The following CLIP1 variants were observed in gnomAD, a reference collection of about 807,000 sequenced individuals.
CLIP1 encodes the protein CAP-Gly domain containing linker protein 1.
A neutral mutation model predicts 161.6 loss-of-function variants in CLIP1; 66 were observed. The observed-to-expected ratio is 0.41, with a 90% CI of 0.33 to 0.50. The LOEUF (loss-of-function observed/expected upper bound fraction) is 0.50. CLIP1 is among the 20% of genes least tolerant of loss of function. The pLI, the probability that CLIP1 is intolerant of heterozygous loss-of-function variation, is 0.27. For synonymous variants in CLIP1, 598 were observed against 626.2 expected, an observed-to-expected ratio of 0.96 and a Z score of 0.67; for missense variants, 1,376 against 1,702.0, an observed-to-expected ratio of 0.81 and a Z score of 3.37.
intron 12 of CLIP1, among the ~76,000 whole-genome samples, chr12:122,336,297 T>C (rs1952213390): frequency 6.6e-6 from 1 of 152,026 alleles, no homozygotes; most frequent in South Asian, 2.1e-4. Context: ...AGGGGCCTCA[T>C]TCAATATGAA....
At chr12:122,345,789 CTTTT>C (rs538550811) in intron 10 of CLIP1, among the ~76,000 whole-genome samples, 1 of 143,012 alleles carries the variant, frequency 7.0e-6, no homozygotes, top group Non-Finnish European at 1.5e-5. Flanking sequence ...ATTTCTTTTT[CTTTT>C]TTTTTTTTTG....
chr12:122,374,332 A>T (rs2136742041), intron 3 of CLIP1, among the ~76,000 whole-genome samples: 1 of 150,008 alleles, frequency 6.7e-6, no homozygotes, highest in Admixed American at 6.6e-5. Context: ...AAAAAAAAAA[A>T]AATAGCGGCC....
At chr12:122,392,586 G>A (rs1386726315) in intron 1 of CLIP1, among the ~76,000 whole-genome samples, 1 of 152,058 alleles carries the variant, frequency 6.6e-6, no homozygotes, top group Non-Finnish European at 1.5e-5. Flanking sequence ...GGCAGTCACT[G>A]TTCCAGGAGC....
intron 1 of CLIP1, among the ~76,000 whole-genome samples, chr12:122,416,756 C>T (rs1031054487): frequency 3.3e-5 from 5 of 151,914 alleles, no homozygotes; most frequent in South Asian, 2.1e-4. Flanking sequence ...TAAAACTAGC[C>T]GGGTGTGGTG....
intron 19 of CLIP1, among the ~76,000 whole-genome samples, chr12:122,310,942 G>T (rs1016900192): frequency 6.6e-6 from 1 of 152,076 alleles, no homozygotes; most frequent in African/African-American, 2.4e-5. Flanking sequence ...ATGACCTCAG[G>T]AAGACTTAGG....
At chr12:122,394,265 G>A (rs1005380619) in intron 1 of CLIP1, among the ~76,000 whole-genome samples, 26 of 152,058 alleles carry the variant, frequency 1.7e-4, no homozygotes, top group Admixed American at 1.3e-3. Flanking sequence ...TGAGGCGGGC[G>A]GATCACTTGA....
chr12:122,337,703 G>A (rs915057557), intron 11 of CLIP1, among the ~76,000 whole-genome samples: 1 of 152,020 alleles, frequency 6.6e-6, no homozygotes, highest in Non-Finnish European at 1.5e-5. Flanking sequence ...AGCTACTTGA[G>A]CAATTTCATT....
chr12:122,321,410 G>A (rs914361803), intron 17 of CLIP1, among the ~76,000 whole-genome samples: 3 of 151,288 alleles, frequency 2.0e-5, no homozygotes, highest in Non-Finnish European at 3.0e-5. Flanking sequence ...CACGCCTGGC[G>A]AATTTTTGTA....
chr12:122,363,225 C>T (rs975575004), intron 4 of CLIP1, among the ~76,000 whole-genome samples: 1 of 152,122 alleles, frequency 6.6e-6, no homozygotes, highest in Non-Finnish European at 1.5e-5. Flanking sequence ...CCAGGCTGGA[C>T]GCGGTGGCTC....
chr12:122,319,063 A>C (rs1000738921), intron 18 of CLIP1, among the ~76,000 whole-genome samples, 169 bp downstream of exon 18: 1 of 152,254 alleles, frequency 6.6e-6, no homozygotes, highest in Non-Finnish European at 1.5e-5. Flanking sequence ...GATCCTAATA[A>C]GTAATGAAGT....
chr12:122,353,554 C>A (rs1953157156), intron 7 of CLIP1, among the ~76,000 whole-genome samples: 1 of 152,156 alleles, frequency 6.6e-6, no homozygotes, highest in South Asian at 2.1e-4. Context: ...GTCACAGCTG[C>A]AGTGAGCCAT....
chr12:122,341,757 C>CTTTTTTTTTTTTTTT (rs1952510340), intron 10 of CLIP1, 60 bp from the exon 11 acceptor site: 1 of 89,000 alleles, frequency 1.1e-5, no homozygotes, highest in Non-Finnish European at 2.4e-5. Flanking sequence ...TGACTATTTT[C>CTTTTTTTTTTTTTTT]TTTTCTTTTT....
chr12:122,375,088 A>C (rs1158701586), intron 3 of CLIP1, among the ~76,000 whole-genome samples: 1 of 152,134 alleles, frequency 6.6e-6, no homozygotes, highest in Non-Finnish European at 1.5e-5. Context: ...AAAGTTGTTA[A>C]ATATCTCACT....
Position 122,328,001 on chromosome 12 carries a change from G to A in CLIP1, c.3195C>T (p.Asn1065=). Residue 1065 remains asparagine, a synonymous_variant, in exon 17 of 26, where the codon AAC becomes AAT. Transcript: ENST00000620786. ...EDKLKGAREE[N]SGLLQELEEL... is the part of the protein sequence containing the mutation. ...CCTCCAGCTCCTGCAGCAAGCCACT[G>A]TTCTCCTCCCGTGCGCCCTTCAGCT... 1 of 1,614,160 alleles carries A rather than the reference G, an allele frequency of 6.2e-7. No individual in the cohort carries two copies.
chr12:122,354,836 G>T, intron 6 of CLIP1: 1 of 577,944 alleles, frequency 1.7e-6, no homozygotes, highest in Non-Finnish European at 3.1e-6. Context: ...TCAATCATTG[G>T]TAAGGCCCTA....
At chr12:122,370,776 C>T (rs1020338685) in intron 3 of CLIP1, among the ~76,000 whole-genome samples, 1 of 151,952 alleles carries the variant, frequency 6.6e-6, no homozygotes, top group African/African-American at 2.4e-5. Context: ...GGCATCTGAG[C>T]TTCCACAGGA....
At position 122,377,566 on chromosome 12, in the gene CLIP1, G is replaced by T. The variant is rs1205845496; in HGVS notation, c.480C>A (p.Ser160=). The change falls in exon 3 of 26, where the codon TCC becomes TCA. Residue 160 remains serine, a synonymous_variant. Coordinates refer to ENST00000620786, the MANE Select transcript of CLIP1 (RefSeq NM_001247997.2). ...GAGGGATGTTTGAAGGGGTGGAGGG[G>T]GAGGAAGACACCATGCTGGCCGTAG... ...CTSTASMVSS[S]PSTPSNIPQK... 6.2e-7 allele frequency: 1 copy of T among 1,613,844 alleles called. No individual in the cohort carries two copies. The highest frequency in any genetic ancestry group is 8.5e-7 in the Non-Finnish European group (1 of 1,180,028).
intron 1 of CLIP1, chr12:122,400,788 A>C (rs973016916): frequency 6.6e-6 from 1 of 152,234 alleles, no homozygotes; most frequent in African/African-American, 2.4e-5. Context: ...TCAACAGCAA[A>C]ACAAGAATCC....
intron 1 of CLIP1, among the ~76,000 whole-genome samples, chr12:122,404,049 G>A (rs560589775): frequency 2.0e-5 from 3 of 152,306 alleles, no homozygotes; most frequent in Admixed American, 1.3e-4. Context: ...CCCGGTAAGC[G>A]CATGAGTGAG....
Sources: gnomAD v4.1 joint callset for allele counts (sites outside exome capture counted in the v4.1 genomes callset) on GRCh38, gnomAD v4.1.1 for gene constraint, MANE v1.5 for transcripts, NCBI Gene and HGNC (gene_info 2026-07-23, HGNC 2026-07-21) for gene names.